The following ADAM12 variants were observed in gnomAD, a reference collection of about 807,000 sequenced individuals.
ADAM12 encodes ADAM metallopeptidase domain 12, also known as disintegrin and metalloproteinase domain-containing protein 12.
In ADAM12, 70 loss-of-function variants were observed where a neutral mutation model predicts 106.4. That is an observed-to-expected ratio of 0.66 (90% CI 0.54 to 0.80). The LOEUF (loss-of-function observed/expected upper bound fraction) is 0.80, where lower values mean the gene tolerates loss of function less well. Ranked by LOEUF, ADAM12 falls within the 30% of genes least tolerant of loss-of-function variation. ADAM12 has a pLI of 0.00. For synonymous variants in ADAM12, 420 were observed against 433.5 expected (o/e 0.97, Z 0.39); for missense variants, 1,010 against 1,171.9 (o/e 0.86, Z 2.02).
intron 3 of ADAM12, among the ~76,000 whole-genome samples, chr10:126,254,079 C>T (rs11244906): frequency 0.032 from 4,887 of 152,340 alleles, 153 homozygotes; most frequent in African/African-American, 0.068. Context: ...CCAGTCCCCT[C>T]CTGGGCAGCA....
At chr10:126,058,904 C>T (rs907065058) in intron 14 of ADAM12, among the ~76,000 whole-genome samples, 2 of 152,176 alleles carry the variant, frequency 1.3e-5, no homozygotes, top group African/African-American at 4.8e-5. Flanking sequence ...TGAAGACAAG[C>T]GATTTCACAT....
At position 126,243,106 on chromosome 10, in the gene ADAM12, G is replaced by T. The variant is rs112618188; in HGVS notation, c.260+35809C>A. On this transcript the variant is annotated intron_variant, in intron 3 of 22. Coordinates refer to ENST00000448723, the MANE Select transcript of ADAM12 (RefSeq NM_001288973.2). ...CGCGTGCAGAGCAGCTGTGATGGCT[G>T]CATCGTGTTGCTGGAAGCAGGCCAG... is the stretch of plus-strand genomic sequence containing the variant. Among the ~76,000 whole-genome samples, 14 of 152,300 alleles carry T rather than the reference G, an allele frequency of 9.2e-5. No individual in the cohort carries two copies. The East Asian group carries it at 2.5e-3, about 27-fold the overall frequency.
intron 21 of ADAM12, among the ~76,000 whole-genome samples, chr10:126,026,139 A>G (rs1035095834): frequency 1.3e-5 from 2 of 152,212 alleles, no homozygotes; most frequent in African/African-American, 4.8e-5. Context: ...AAACAAAGGG[A>G]TGGAGGAAAA....
chr10:126,152,639 C>T (rs1383601141), intron 4 of ADAM12, among the ~76,000 whole-genome samples: 3 of 151,712 alleles, frequency 2.0e-5, no homozygotes, highest in Admixed American at 1.3e-4. Context: ...TTAGTTCTCA[C>T]AACCATTTTA....
chr10:126,098,711 T>A (rs899764066), intron 9 of ADAM12, among the ~76,000 whole-genome samples: 1 of 152,218 alleles, frequency 6.6e-6, no homozygotes, highest in Non-Finnish European at 1.5e-5. Flanking sequence ...GAGTTTTGTT[T>A]TCAAGACTCA....
At chr10:126,370,921 G>T (rs1367420686) in intron 1 of ADAM12, among the ~76,000 whole-genome samples, 1 of 152,172 alleles carries the variant, frequency 6.6e-6, no homozygotes, top group Non-Finnish European at 1.5e-5. Context: ...ACCTCTAAGG[G>T]CCATAGGGAT....
At chr10:126,123,907 C>T (rs907500308) in intron 5 of ADAM12, among the ~76,000 whole-genome samples, 3 of 152,252 alleles carry the variant, frequency 2.0e-5, no homozygotes, top group African/African-American at 7.2e-5. Flanking sequence ...TGTTGTTTTT[C>T]CTTGACAGGA....
intron 2 of ADAM12, among the ~76,000 whole-genome samples, chr10:126,295,546 C>T (rs1436450500): frequency 6.9e-6 from 1 of 145,546 alleles, no homozygotes; most frequent in African/African-American, 2.7e-5. Context: ...CACACACACA[C>T]ATACACACAC....
chr10:126,232,684 T>G (rs556063792), intron 3 of ADAM12, among the ~76,000 whole-genome samples: 22 of 152,302 alleles, frequency 1.4e-4, no homozygotes, highest in African/African-American at 5.3e-4. Flanking sequence ...TCTTTTTCTC[T>G]TAGATATCCA....
At chr10:126,248,673 GTATGTATGTATGTATTTATT>G (rs1214335889) in intron 3 of ADAM12, among the ~76,000 whole-genome samples, 3 of 113,238 alleles carry the variant, frequency 2.6e-5, no homozygotes, top group Middle Eastern at 4.7e-3. Flanking sequence ...ATGTATGTAT[GTATGTATGTATGTATTTATT>G]TATTTATTTA....
chr10:126,032,727 T>C (rs1953992356), intron 21 of ADAM12, among the ~76,000 whole-genome samples: 1 of 152,194 alleles, frequency 6.6e-6, no homozygotes, highest in African/African-American at 2.4e-5. Flanking sequence ...GTGCATTTTA[T>C]GAGTTCATAG....
chr10:126,275,984 C>T (rs372024503), intron 3 of ADAM12, among the ~76,000 whole-genome samples: 1 of 151,942 alleles, frequency 6.6e-6, no homozygotes, highest in Non-Finnish European at 1.5e-5. Context: ...TTTTAGAAAA[C>T]AAACACTAGC....
At chr10:126,073,673 C>T (rs1191490442) in intron 11 of ADAM12, among the ~76,000 whole-genome samples, 1 of 152,186 alleles carries the variant, frequency 6.6e-6, no homozygotes, top group Non-Finnish European at 1.5e-5. Flanking sequence ...TGGTTTCTAT[C>T]AACCTCGGGC....
chr10:126,039,432 G>GAAAC lies in ADAM12; in HGVS notation c.2105-7_2105-4dup, dbSNP rs1219110253. 6.2e-7 allele frequency: 1 copy of GAAAC among 1,613,896 alleles called. No homozygotes were observed. The highest frequency in any genetic ancestry group is 1.3e-5 in the African/African-American group (1 of 74,922). On this transcript the variant is annotated splice_polypyrimidine_tract_variant and splice_region_variant and intron_variant, in intron 18 of 22. Coordinates refer to ENST00000448723, the MANE Select transcript of ADAM12 (RefSeq NM_001288973.2). ...TCCTATGGTTAAACCTTGGTTATCT[G>GAAAC]AAACAAAACACATGGGGCTCACAGA... is the stretch of plus-strand genomic sequence containing the variant.
Position 126,017,221 on chromosome 10 carries a change from T to C in ADAM12, c.*58A>G. ...AAAAGTTGGTACAAAAAACTCCAAC[T>C]GGAGCTGAAAGATAGTGCAAACTTC... is the stretch of plus-strand genomic sequence containing the variant. On this transcript the variant is annotated 3_prime_UTR_variant, in exon 23 of 23. Transcript: ENST00000448723. 2 of 1,452,040 alleles carry C rather than the reference T, an allele frequency of 1.4e-6. No individual in the cohort carries two copies. Among genetic ancestry groups the C allele is most frequent in the Non-Finnish European group, 1.9e-6 (2 of 1,073,184 alleles). The allele number at this position is 1,452,040 out of a possible 1,614,324, so 89.9% of individuals were successfully genotyped here. A position where few individuals can be genotyped will look rare whatever the true frequency, so the allele number is the denominator to read the frequency against.
intron 3 of ADAM12, among the ~76,000 whole-genome samples, chr10:126,203,944 G>GCA (rs1484023019): frequency 2.8e-5 from 4 of 143,048 alleles, no homozygotes; most frequent in Middle Eastern, 3.5e-3. Context: ...GCGCGCGTGT[G>GCA]TGTGTGTGTG....
intron 14 of ADAM12, among the ~76,000 whole-genome samples, chr10:126,058,868 G>C (rs2133464032): frequency 6.6e-6 from 1 of 152,276 alleles, no homozygotes. Context: ...GTTCAAAGTT[G>C]CTGCATTAAA....
At chr10:126,037,583 A>G (rs938466847) in intron 20 of ADAM12, among the ~76,000 whole-genome samples, 1 of 152,196 alleles carries the variant, frequency 6.6e-6, no homozygotes, top group African/African-American at 2.4e-5. Flanking sequence ...ACTAAGTTCA[A>G]TATTCAAGAA....
chr10:126,060,753 G>A (rs1167617278), intron 14 of ADAM12, among the ~76,000 whole-genome samples: 5 of 152,160 alleles, frequency 3.3e-5, no homozygotes, highest in Non-Finnish European at 7.3e-5. Context: ...CATGCCTCCC[G>A]GGAGGATATT....
Sources: allele counts gnomAD v4.1 joint callset (sites outside exome capture counted in the v4.1 genomes callset), GRCh38; gene constraint gnomAD v4.1.1; transcripts MANE v1.5; gene names NCBI Gene and HGNC (gene_info 2026-07-23, HGNC 2026-07-21).